Variants in BCL10 observed in about 807,000 individuals in gnomAD.
The protein encoded by BCL10 is BCL10 immune signaling adaptor.
A neutral mutation model predicts 19.2 loss-of-function variants in BCL10; 5 were observed. The ratio of observed to expected loss-of-function variants is 0.26; its 90% confidence interval spans 0.14 to 0.55. The LOEUF (loss-of-function observed/expected upper bound fraction) is 0.55, where lower values mean the gene tolerates loss of function less well. Ranked by LOEUF, BCL10 falls within the 20% of genes least tolerant of loss-of-function variation. The pLI, the probability that BCL10 is intolerant of heterozygous loss-of-function variation, is 0.94. For synonymous variants in BCL10, 110 were observed against 98.8 expected, an observed-to-expected ratio of 1.11 and a Z score of -0.67; for missense variants, 201 against 271.9, an observed-to-expected ratio of 0.74 and a Z score of 1.83.
At chr1:85,268,209 G>A (rs1170332688) in intron 2 of BCL10, among the ~76,000 whole-genome samples, 1 of 152,170 alleles carries the variant, frequency 6.6e-6, no homozygotes, top group African/African-American at 2.4e-5. Flanking sequence ...TCTCGTGGAA[G>A]TTAAACGACA....
Position 85,276,593 on chromosome 1 carries a change from G to T in BCL10, c.-241C>A. On this transcript the variant is annotated 5_prime_UTR_variant, in exon 1 of 3. Transcript: ENST00000648566. Reference sequence around the variant, plus strand: ...TACGCGACGCGACGCGGAGCTCGGAGCAGCGTTCCTTCCCTCTCGTAGAGG... The same window carrying T: ...TACGCGACGCGACGCGGAGCTCGGATCAGCGTTCCTTCCCTCTCGTAGAGG... The T allele has an allele frequency of 3.4e-6, 2 of 590,018 alleles. No individual in the cohort carries two copies. Among genetic ancestry groups the T allele is most frequent in the South Asian group, 4.0e-5 (2 of 50,486 alleles). 36.5% of individuals were successfully genotyped at this position (590,018 alleles called of 1,614,324 possible). A position where few individuals can be genotyped will look rare whatever the true frequency, so the allele number is the denominator to read the frequency against.
At chr1:85,269,421 C>A (rs1224420205) in intron 2 of BCL10, among the ~76,000 whole-genome samples, 1 of 152,206 alleles carries the variant, frequency 6.6e-6, no homozygotes, top group Non-Finnish European at 1.5e-5. Context: ...GGCACAGAAA[C>A]CCTGAGTTGA....
In BCL10 at chr1:85,267,800, G is replaced by A. The variant is rs1360050843; in HGVS notation, c.529C>T (p.Leu177=). Reference sequence around the variant, plus strand: ...GTATTTTCAGTTCTGCCTACTTCTAGAACAGGCAAATTCAGAGAAGAATTA... The same window carrying A: ...GTATTTTCAGTTCTGCCTACTTCTAAAACAGGCAAATTCAGAGAAGAATTA... The part of the protein sequence containing the change: ...STNSSLNLPV[L]EVGRTENTIF... Residue 177 remains leucine (L), a synonymous_variant, in exon 3 of 3, where the codon CTA becomes TTA. Transcript: ENST00000648566. 1.2e-6 allele frequency: 2 copies of A among 1,614,210 alleles called. No individual in the cohort carries two copies. Among genetic ancestry groups the A allele is most frequent in the Non-Finnish European group, 8.5e-7 (1 of 1,180,038 alleles).
chr1:85,275,761 T>TC lies in BCL10; in HGVS notation c.57+534dup, dbSNP rs1268547360. ...TTAATTCTCAGCTACGTGTATTCAC[T>TC]CCCCCAACCCCAATTTAAATATGTG... On this transcript the variant is annotated intron_variant, in intron 1 of 2. Coordinates refer to ENST00000648566, the MANE Select transcript of BCL10 (RefSeq NM_003921.5). Among the ~76,000 whole-genome samples, 4 of 152,162 alleles carry TC rather than the reference T, an allele frequency of 2.6e-5. No homozygotes were observed. The East Asian group carries it at 7.7e-4, about 29-fold the overall frequency.
At chr1:85,270,205 G>A (rs149186565) in intron 2 of BCL10, among the ~76,000 whole-genome samples, 11 of 152,290 alleles carry the variant, frequency 7.2e-5, no homozygotes, top group African/African-American at 1.2e-4. Context: ...GTCAAATAAG[G>A]TAAAATAAGT....
Position 85,276,586 on chromosome 1 carries a change from G to T in BCL10, c.-234C>A. 1.7e-6 allele frequency: 1 copy of T among 592,734 alleles called. No individual in the cohort carries two copies. Among genetic ancestry groups the T allele is most frequent in the East Asian group, 2.8e-5 (1 of 35,480 alleles). The allele number at this position is 592,734 out of a possible 1,614,324, so 36.7% of individuals were successfully genotyped here. A position where few individuals can be genotyped will look rare whatever the true frequency, so the allele number is the denominator to read the frequency against. The stretch of plus-strand genomic sequence containing the variant: ...GCGAATCTACGCGACGCGACGCGGA[G>T]CTCGGAGCAGCGTTCCTTCCCTCTC... On this transcript the variant is annotated 5_prime_UTR_variant, in exon 1 of 3. Coordinates refer to ENST00000648566, the MANE Select transcript of BCL10 (RefSeq NM_003921.5).
At chr1:85,270,222 T>G (rs191639353) in intron 2 of BCL10, among the ~76,000 whole-genome samples, 22 of 152,340 alleles carry the variant, frequency 1.4e-4, no homozygotes, top group African/African-American at 5.3e-4. Context: ...AAGTGCAAAT[T>G]GAATATAATT....
intron 1 of BCL10, among the ~76,000 whole-genome samples, chr1:85,271,775 A>G (rs1190751307): frequency 6.6e-6 from 1 of 152,240 alleles, no homozygotes; most frequent in Non-Finnish European, 1.5e-5. Flanking sequence ...GGTACATAGT[A>G]AGTGATCAAT....
intron 1 of BCL10, among the ~76,000 whole-genome samples, chr1:85,272,493 T>C (rs562294884): frequency 7.9e-5 from 12 of 151,834 alleles, no homozygotes; most frequent in Admixed American, 7.2e-4. Flanking sequence ...CCTCCCACCT[T>C]ATCCTCCTGA....
At chr1:85,268,854 A>G (rs1289001519) in intron 2 of BCL10, among the ~76,000 whole-genome samples, 1 of 152,080 alleles carries the variant, frequency 6.6e-6, no homozygotes, top group Non-Finnish European at 1.5e-5. Context: ...TGGGAAAGTG[A>G]GAACTACAAT....
Position 85,267,189 on chromosome 1 carries a change from C to T in BCL10, c.*438G>A, listed in dbSNP as rs934661974. ...TATTGGCAGTTTTCCCATCAGTGAC[C>T]GGTTTTATTACTGAACAGGAACAGC... On this transcript the variant is annotated 3_prime_UTR_variant, in exon 3 of 3. Transcript: ENST00000648566. 5.9e-5 allele frequency: 12 copies of T among 201,736 alleles called. No homozygotes were observed. Among genetic ancestry groups the T allele is most frequent in the Non-Finnish European group, 9.2e-5 (9 of 98,032 alleles). 12.5% of individuals were successfully genotyped at this position (201,736 alleles called of 1,614,324 possible). A position where few individuals can be genotyped will look rare whatever the true frequency, so the allele number is the denominator to read the frequency against.
intron 1 of BCL10, among the ~76,000 whole-genome samples, chr1:85,275,913 G>A (rs890314904): frequency 1.3e-5 from 2 of 152,146 alleles, no homozygotes; most frequent in South Asian, 2.1e-4. Flanking sequence ...TACAGCCTTC[G>A]CTCTAGGCTG....
intron 2 of BCL10, among the ~76,000 whole-genome samples, chr1:85,269,656 C>T (rs1481387590): frequency 6.6e-6 from 1 of 152,228 alleles, no homozygotes; most frequent in African/African-American, 2.4e-5. Context: ...TTTTCTGTAT[C>T]CCTAATGCCT....
At chr1:85,268,942 A>G (rs564758832) in intron 2 of BCL10, among the ~76,000 whole-genome samples, 1 of 152,316 alleles carries the variant, frequency 6.6e-6, no homozygotes, top group Non-Finnish European at 1.5e-5. Context: ...TGTGGTACGA[A>G]TGTATCCGCC....
chr1:85,274,837 T>C (rs116076365), intron 1 of BCL10, among the ~76,000 whole-genome samples: 167 of 152,348 alleles, frequency 1.1e-3, no homozygotes, highest in African/African-American at 3.9e-3. Flanking sequence ...CATAGACCTT[T>C]TGAAACCCAT....
At chr1:85,268,493 G>C (rs1247910994) in intron 2 of BCL10, among the ~76,000 whole-genome samples, 1 of 152,116 alleles carries the variant, frequency 6.6e-6, no homozygotes, top group Non-Finnish European at 1.5e-5. Context: ...AAAAGGGCGG[G>C]GCATGGTGGC....
rs1660227501 is a variant in BCL10, at chr1:85,267,310, A to T, written c.*317T>A. The T allele has an allele frequency of 3.8e-6, 1 of 263,612 alleles. No individual in the cohort carries two copies. Among genetic ancestry groups the T allele is most frequent in the Non-Finnish European group, 7.2e-6 (1 of 138,034 alleles). 16.3% of individuals were successfully genotyped at this position (263,612 alleles called of 1,614,324 possible). ...GCACTGAGGAAAAAACGTTCTTCCT[A>T]GTAAGGGTCTATTCTCAAATAGAGA... is the stretch of plus-strand genomic sequence containing the variant. On this transcript the variant is annotated 3_prime_UTR_variant, in exon 3 of 3. Coordinates refer to ENST00000648566, the MANE Select transcript of BCL10 (RefSeq NM_003921.5).
chr1:85,273,070 T>C (rs1239688637), intron 1 of BCL10, among the ~76,000 whole-genome samples: 1 of 152,184 alleles, frequency 6.6e-6, no homozygotes, highest in Non-Finnish European at 1.5e-5. Flanking sequence ...TCAGTGGTCA[T>C]CTTCTTTGGA....
intron 2 of BCL10, among the ~76,000 whole-genome samples, chr1:85,270,347 A>T (rs1660335991): frequency 6.6e-6 from 1 of 152,252 alleles, no homozygotes; most frequent in Non-Finnish European, 1.5e-5. Context: ...ATCATGGCTC[A>T]CTATAGCCTC....
Sources: gnomAD v4.1 joint callset for allele counts (sites outside exome capture counted in the v4.1 genomes callset) on GRCh38, gnomAD v4.1.1 for gene constraint, MANE v1.5 for transcripts, NCBI Gene and HGNC (gene_info 2026-07-23, HGNC 2026-07-21) for gene names.